Variants in ADGRL2 observed in about 807,000 individuals in gnomAD.
ADGRL2 encodes the protein adhesion G protein-coupled receptor L2, also known as calcium-independent alpha-latrotoxin receptor 2.
Under a neutral mutation model 157.4 loss-of-function variants are expected in ADGRL2, and 44 were observed. The observed-to-expected ratio is 0.28, with a 90% CI of 0.22 to 0.36. The LOEUF is 0.36. ADGRL2 is among the 10% of genes least tolerant of loss of function. The pLI is 1.00. For missense variants in ADGRL2, 1,510 were observed against 1,768.9 expected (o/e 0.85, Z 2.63); for synonymous variants, 585 against 624.7 (o/e 0.94, Z 0.95).
At chr1:81,830,699 G>A (rs1048053205) in intron 1 of ADGRL2, among the ~76,000 whole-genome samples, 3 of 151,996 alleles carry the variant, frequency 2.0e-5, no homozygotes, top group Admixed American at 6.6e-5. Flanking sequence ...TAGAGACGGG[G>A]TTTCGCCACA....
chr1:81,489,537 G>A (rs186199604), intron 2 of ADGRL2, among the ~76,000 whole-genome samples: 6 of 152,242 alleles, frequency 3.9e-5, no homozygotes, highest in African/African-American at 9.6e-5. Context: ...ACAGGAAAAA[G>A]AAGAAAGAAT....
rs572791603 is a variant in ADGRL2, at chr1:81,657,547, C to T, written c.-143+76567C>T. Among the ~76,000 whole-genome samples, 17 of 152,216 alleles carry T rather than the reference C, an allele frequency of 1.1e-4. No homozygotes were observed. In the South Asian group the frequency reaches 3.5e-3, roughly 32 times the overall value. On this transcript the variant is annotated intron_variant, in intron 3 of 24. Coordinates refer to the ADGRL2 transcript ENST00000370721. ...GGTTAAAATATCCTAAGAGAAGTAACACTTCTGCTCCCTTCCCACTCCCTA... is the reference window on the plus strand; with the variant it reads ...GGTTAAAATATCCTAAGAGAAGTAATACTTCTGCTCCCTTCCCACTCCCTA...
At chr1:81,756,923 C>T (rs1227230050) in intron 1 of ADGRL2, among the ~76,000 whole-genome samples, 1 of 152,100 alleles carries the variant, frequency 6.6e-6, no homozygotes, top group African/African-American at 2.4e-5. Flanking sequence ...ATGCAGCCAC[C>T]CTTTCCTCCT....
chr1:81,347,202 C>T (rs1264323434), intron 1 of ADGRL2, among the ~76,000 whole-genome samples: 2 of 151,958 alleles, frequency 1.3e-5, no homozygotes, highest in Admixed American at 1.3e-4. Context: ...AGTTTGAGAC[C>T]AGCCTGTCCA....
intron 1 of ADGRL2, among the ~76,000 whole-genome samples, chr1:81,317,237 A>G (rs1026371148): frequency 1.3e-5 from 2 of 152,148 alleles, no homozygotes; most frequent in African/African-American, 4.8e-5. Flanking sequence ...ACCAAGGATA[A>G]AAACCCTTTC....
intron 1 of ADGRL2, among the ~76,000 whole-genome samples, chr1:81,718,054 T>G (rs2084173585): frequency 1.3e-5 from 2 of 152,192 alleles, no homozygotes; most frequent in South Asian, 4.1e-4. Flanking sequence ...TGTGTCTCAC[T>G]CTGTGGCAAG....
intron 1 of ADGRL2, among the ~76,000 whole-genome samples, chr1:81,735,933 A>G (rs1015894313): frequency 6.6e-6 from 1 of 151,972 alleles, no homozygotes; most frequent in Non-Finnish European, 1.5e-5. Flanking sequence ...TCATGAGGTC[A>G]GGAGATCGAG....
chr1:81,865,636 C>G (rs1213293772), intron 2 of ADGRL2, among the ~76,000 whole-genome samples: 1 of 152,056 alleles, frequency 6.6e-6, no homozygotes, highest in South Asian at 2.1e-4. Context: ...GTGAAGTGGA[C>G]TTTGTTAGTA....
intron 1 of ADGRL2, chr1:81,722,272 GA>G: frequency 2.2e-6 from 1 of 445,960 alleles, no homozygotes; most frequent in South Asian, 2.0e-5. Flanking sequence ...CAGCCTGGGC[GA>G]CAGAGCGAGA....
chr1:81,632,554 C>G (rs1176619632), intron 3 of ADGRL2, among the ~76,000 whole-genome samples: 1 of 151,928 alleles, frequency 6.6e-6, no homozygotes, highest in Non-Finnish European at 1.5e-5. Flanking sequence ...GTCAGGAGAT[C>G]GAGACCATCC....
At chr1:81,975,388 A>G (rs1173313780) in intron 17 of ADGRL2, among the ~76,000 whole-genome samples, 2 of 152,080 alleles carry the variant, frequency 1.3e-5, no homozygotes, top group Non-Finnish European at 2.9e-5. Context: ...ACTTCGTAGT[A>G]TTTACACTGA....
chr1:81,475,195 TA>T (rs139998938), intron 2 of ADGRL2, among the ~76,000 whole-genome samples: 6,871 of 152,248 alleles, frequency 0.045, 214 homozygotes, highest in Admixed American at 0.086. Context: ...AACTTGTATC[TA>T]AACACTTTCT....
chr1:81,497,000 C>G (rs1557735304), intron 2 of ADGRL2, among the ~76,000 whole-genome samples: 1 of 152,012 alleles, frequency 6.6e-6, no homozygotes, highest in East Asian at 1.9e-4. Context: ...CTGAAATGAT[C>G]TTTCCTCACA....
chr1:81,661,240 A>G (rs1209714343), intron 3 of ADGRL2, among the ~76,000 whole-genome samples: 1 of 152,124 alleles, frequency 6.6e-6, no homozygotes, highest in Non-Finnish European at 1.5e-5. Flanking sequence ...TGATACTATC[A>G]CCTTTGTAAC....
intron 2 of ADGRL2, among the ~76,000 whole-genome samples, chr1:81,569,273 G>A (rs893150980): frequency 2.6e-5 from 4 of 151,912 alleles, no homozygotes; most frequent in Non-Finnish European, 5.9e-5. Context: ...ATTTTTCCAC[G>A]AGACAATTAA....
At chr1:81,593,901 C>T (rs559623456) in intron 3 of ADGRL2, among the ~76,000 whole-genome samples, 2 of 152,010 alleles carry the variant, frequency 1.3e-5, no homozygotes, top group Non-Finnish European at 2.9e-5. Context: ...CTAAATTTTG[C>T]GAAGTTTGTT....
intron 3 of ADGRL2, among the ~76,000 whole-genome samples, chr1:81,637,552 G>A (rs923139700): frequency 1.3e-5 from 2 of 152,048 alleles, no homozygotes; most frequent in African/African-American, 2.4e-5. Flanking sequence ...CAAAAATAAC[G>A]AATGTATCAA....
chr1:81,598,968 C>G (rs2081288046), intron 3 of ADGRL2, among the ~76,000 whole-genome samples: 1 of 152,212 alleles, frequency 6.6e-6, no homozygotes, highest in Non-Finnish European at 1.5e-5. Flanking sequence ...AATGCCTCCC[C>G]TCTTGGGAGG....
chr1:81,791,066 C>CAAAAAA (rs11411906), intron 2 of ADGRL2, among the ~76,000 whole-genome samples: 1 of 37,458 alleles, frequency 2.7e-5, no homozygotes. Context: ...GACCCTATCT[C>CAAAAAA]AAAAAAAAAA....
Sources: allele counts gnomAD v4.1 joint callset (sites outside exome capture counted in the v4.1 genomes callset), GRCh38; gene constraint gnomAD v4.1.1; transcripts MANE v1.5; gene names NCBI Gene and HGNC (gene_info 2026-07-23, HGNC 2026-07-21).